Variants in MACF1 observed in about 807,000 individuals in gnomAD.
MACF1 encodes the protein microtubule-actin cross-linking factor 1.
A neutral mutation model predicts 854.8 loss-of-function variants in MACF1; 193 were observed. That is an observed-to-expected ratio of 0.23 (90% CI 0.20 to 0.25). The LOEUF (loss-of-function observed/expected upper bound fraction) is 0.25. MACF1 is among the 10% of genes least tolerant of loss of function. MACF1 has a pLI of 1.00. For synonymous variants in MACF1, 3,185 were observed against 3,226.7 expected (o/e 0.99, Z 0.44); for missense variants, 7,722 against 8,929.1 (o/e 0.86, Z 5.45).
intron 2 of MACF1, among the ~76,000 whole-genome samples, chr1:39,176,278 C>A (rs75090179): frequency 9.6e-4 from 134 of 139,796 alleles, no homozygotes; most frequent in Non-Finnish European, 8.7e-4. Flanking sequence ...ACTCTGTCTC[C>A]AAAAAAAAAA....
chr1:39,173,169 G>A (rs1444296465), intron 2 of MACF1, among the ~76,000 whole-genome samples: 5 of 151,904 alleles, frequency 3.3e-5, no homozygotes, highest in African/African-American at 4.8e-5. Context: ...GTGAAATCCC[G>A]TCTCTACTAA....
chr1:39,280,666 C>T (rs1645526219), intron 6 of MACF1, among the ~76,000 whole-genome samples: 1 of 152,186 alleles, frequency 6.6e-6, no homozygotes, highest in African/African-American at 2.4e-5. Flanking sequence ...CAACCTCCAC[C>T]TCCTGGGTTC....
chr1:39,176,424 T>C (rs1424323398), intron 2 of MACF1, among the ~76,000 whole-genome samples: 1 of 152,200 alleles, frequency 6.6e-6, no homozygotes, highest in Non-Finnish European at 1.5e-5. Flanking sequence ...AAAGGAGAAT[T>C]GAGAGTAGGA....
rs1361720860 is a variant in MACF1 at position 39,323,006 on chromosome 1, G to T, written c.4234G>T (p.Glu1412Ter). 1 of 1,614,022 alleles carries T rather than the reference G, an allele frequency of 6.2e-7. No homozygotes were observed. The highest frequency in any genetic ancestry group is 8.5e-7 in the Non-Finnish European group (1 of 1,179,918). The change falls in exon 33 of 101, where the codon GAG (glutamate) becomes TAG (stop). Residue 1412 changes from glutamate (E) to a stop codon, truncating the protein, a stop_gained and splice_region_variant. Transcript: ENST00000564288. LOFTEE classifies it high-confidence loss of function. Reference protein sequence around the residue: ...SDALRRLEEEEKVVEEEKQEH... With the variant: ...SDALRRLEEE Reference sequence around the variant, plus strand: ...TGCACTCCGGCGTCTGGAGGAGGAGGAGGTGAGGACAGTTGGGTCCAAAGT... The same window carrying T: ...TGCACTCCGGCGTCTGGAGGAGGAGTAGGTGAGGACAGTTGGGTCCAAAGT...
intron 99 of MACF1, among the ~76,000 whole-genome samples, chr1:39,481,516 G>A (rs140004452): frequency 3.3e-4 from 51 of 152,318 alleles, no homozygotes; most frequent in Admixed American, 5.9e-4. Context: ...GGTCCGAGGC[G>A]TGGGTGCTGT....
chr1:39,242,957 C>T (rs1469507315), intron 2 of MACF1, among the ~76,000 whole-genome samples: 1 of 152,162 alleles, frequency 6.6e-6, no homozygotes, highest in Non-Finnish European at 1.5e-5. Flanking sequence ...TCTTTAATTA[C>T]ATACCTAGGG....
chr1:39,451,661 A>C (rs1332142796), intron 85 of MACF1, among the ~76,000 whole-genome samples: 2 of 152,116 alleles, frequency 1.3e-5, no homozygotes, highest in Admixed American at 1.3e-4. Flanking sequence ...CTGTTTCAGC[A>C]CAAGCATTTA....
intron 58 of MACF1, among the ~76,000 whole-genome samples, chr1:39,406,596 G>A (rs1642708439): frequency 6.6e-6 from 1 of 152,026 alleles, no homozygotes; most frequent in Non-Finnish European, 1.5e-5. Flanking sequence ...TTAACTGGGT[G>A]CGGTGGCGCA....
chr1:39,321,796 G>A (rs1249936293), intron 31 of MACF1, among the ~76,000 whole-genome samples: 1 of 152,076 alleles, frequency 6.6e-6, no homozygotes, highest in African/African-American at 2.4e-5. Flanking sequence ...AAATTATATG[G>A]GGATATAATT....
chr1:39,296,398 AC>A (rs1413536556), intron 20 of MACF1, among the ~76,000 whole-genome samples: 1 of 151,686 alleles, frequency 6.6e-6, no homozygotes. Flanking sequence ...AAATATTATG[AC>A]CTTTTTTTTC....
At chr1:39,130,468 A>G (rs1036201563) in intron 2 of MACF1, among the ~76,000 whole-genome samples, 4 of 152,304 alleles carry the variant, frequency 2.6e-5, no homozygotes, top group Admixed American at 6.5e-5. Flanking sequence ...CTCTGTTTTC[A>G]GATAAATCCT....
chr1:39,288,025 TAAAA>T (rs1041899695), intron 15 of MACF1, among the ~76,000 whole-genome samples: 2 of 152,160 alleles, frequency 1.3e-5, no homozygotes, highest in Non-Finnish European at 1.5e-5. Flanking sequence ...TTTTTTTAAT[TAAAA>T]AAATTTTTTG....
At position 39,343,877 on chromosome 1, in the gene MACF1, AG is replaced by A. The variant is rs879880771; in HGVS notation, c.10581+2926del. Among the ~76,000 whole-genome samples, 4 of 152,326 alleles carry A rather than the reference AG, an allele frequency of 2.6e-5. No homozygotes were observed. In the East Asian group the frequency reaches 5.8e-4, roughly 22 times the overall value. ...ACGCCTGTAATCCCAGCACTTTGGG[AG>A]GCCGAGGCGGGCGGATCACCTGAGG... is the stretch of plus-strand genomic sequence containing the variant. On this transcript the variant is annotated intron_variant, in intron 40 of 100. Transcript: ENST00000564288.
chr1:39,262,033 G>A (rs1232696827), intron 6 of MACF1, among the ~76,000 whole-genome samples: 3 of 152,116 alleles, frequency 2.0e-5, no homozygotes, highest in Admixed American at 1.3e-4. Context: ...TTAGTTTGCA[G>A]GAAAATGTAT....
chr1:39,257,431 T>G (rs1357228244), intron 5 of MACF1: 1 of 154,336 alleles, frequency 6.5e-6, no homozygotes, highest in Non-Finnish European at 1.4e-5. Flanking sequence ...GCCTACTGAG[T>G]AGCTGGGACT....
rs750262685 is a variant in MACF1 at position 39,190,395 on chromosome 1, G to GTTTTTTTTTTTT, written c.221-40782_221-40781insTTTTTTTTTTTT. Among the ~76,000 whole-genome samples the GTTTTTTTTTTTT allele has an allele frequency of 3.7e-4, 29 of 79,040 alleles. 2 individuals are homozygous for GTTTTTTTTTTTT. The highest frequency in any genetic ancestry group is 1.0e-3 in the South Asian group (2 of 1,914). 51.9% of individuals were successfully genotyped at this position (79,040 alleles called of 152,430 possible). The stretch of plus-strand genomic sequence containing the variant: ...TGTGTGTGTGTGTGTGTGTGTGTTT[G>GTTTTTTTTTTTT]TTTTTGTTTTTTTTTTTTTTTTTTG... On this transcript the variant is annotated intron_variant, in intron 2 of 93. Coordinates refer to the MACF1 transcript ENST00000361689.
At chr1:39,466,959 G>T (rs945964181) in intron 95 of MACF1, among the ~76,000 whole-genome samples, 2 of 152,198 alleles carry the variant, frequency 1.3e-5, no homozygotes, top group African/African-American at 4.8e-5. Flanking sequence ...GGAATATGGA[G>T]AATTACCACA....
chr1:39,144,031 G>A (rs1318403407), intron 2 of MACF1, among the ~76,000 whole-genome samples: 2 of 148,280 alleles, frequency 1.3e-5, no homozygotes, highest in African/African-American at 5.0e-5. Flanking sequence ...CTCGTGATCC[G>A]CCCGCCTCGG....
intron 1 of MACF1, among the ~76,000 whole-genome samples, chr1:39,218,406 C>T (rs991362055): frequency 6.6e-6 from 1 of 152,140 alleles, no homozygotes; most frequent in African/African-American, 2.4e-5. Context: ...ATAGACTAGA[C>T]ACCAGGAAAT....
Sources: gnomAD v4.1 joint callset for allele counts (sites outside exome capture counted in the v4.1 genomes callset) on GRCh38, gnomAD v4.1.1 for gene constraint, MANE v1.5 for transcripts, NCBI Gene and HGNC (gene_info 2026-07-23, HGNC 2026-07-21) for gene names.